The following RALYL variants were observed in gnomAD, a reference collection of about 807,000 sequenced individuals.
RALYL encodes RALY RNA binding protein like, also known as RNA-binding Raly-like protein.
In RALYL, 29 loss-of-function variants were observed where a neutral mutation model predicts 35.1. The ratio of observed to expected loss-of-function variants is 0.83; its 90% CI spans 0.61 to 1.13. The LOEUF (loss-of-function observed/expected upper bound fraction) is 1.13, where lower values mean the gene tolerates loss of function less well. RALYL is among the 50% of genes most tolerant of loss of function. RALYL has a pLI of 0.00. For missense variants in RALYL, 359 were observed against 360.4 expected (o/e 1.00, Z 0.03); for synonymous variants, 120 against 127.6 (o/e 0.94, Z 0.40).
rs1860939401 is a variant in RALYL, at chr8:84,392,568, G to A, written c.-23-136731G>A. Reference sequence around the variant, plus strand: ...TATGTGGAATTTTAGAAAGTATTAAGCTATAGTGAGAGAAAGCTGATCAGC... The same window carrying A: ...TATGTGGAATTTTAGAAAGTATTAAACTATAGTGAGAGAAAGCTGATCAGC... On this transcript the variant is annotated intron_variant, in intron 1 of 8. Transcript: ENST00000521268. Among the ~76,000 whole-genome samples the A allele has an allele frequency of 3.3e-5, 5 of 152,122 alleles. No homozygotes were observed. The South Asian group carries it at 1.0e-3, about 32-fold the overall frequency.
intron 1 of RALYL, among the ~76,000 whole-genome samples, chr8:84,517,134 A>G (rs1343213787): frequency 6.6e-6 from 1 of 152,210 alleles, no homozygotes; most frequent in African/African-American, 2.4e-5. Context: ...TGCATAAAAT[A>G]TACACTCCAG....
At chr8:84,774,486 A>G in intron 2 of RALYL, 93 bp from the exon 3 acceptor site, 1 of 823,776 alleles carries the variant, frequency 1.2e-6, no homozygotes. Flanking sequence ...TTGCATAAAC[A>G]AATAGTAAAA....
chr8:84,307,485 GA>G (rs536401065), intron 1 of RALYL, among the ~76,000 whole-genome samples: 1 of 151,374 alleles, frequency 6.6e-6, no homozygotes, highest in Non-Finnish European at 1.5e-5. Context: ...GCCAAATGAA[GA>G]AAAAAAAGCA....
chr8:84,396,231 A>G (rs13253716), intron 1 of RALYL, among the ~76,000 whole-genome samples: 93,708 of 151,674 alleles, frequency 0.62, 29,522 homozygotes, highest in African/African-American at 0.74. Context: ...TCTATGGTCT[A>G]TTTTTATTTG....
chr8:84,428,100 T>TCACA (rs1307984367), intron 1 of RALYL, among the ~76,000 whole-genome samples: 49 of 134,864 alleles, frequency 3.6e-4, no homozygotes, highest in African/African-American at 1.3e-3. Context: ...TCTCTCTCTC[T>TCACA]CTCTCTCACA....
chr8:84,267,794 T>C lies in RALYL; in HGVS notation c.-24+83370T>C, dbSNP rs556051539. ...TTGATTGGTCTAAAATAGTTTAAAG[T>C]TTGGGCACAAGAATTGAGAGGTGTT... is the stretch of plus-strand genomic sequence containing the variant. On this transcript the variant is annotated intron_variant, in intron 1 of 8. Coordinates refer to ENST00000521268, the MANE Select transcript of RALYL (RefSeq NM_173848.7). Among the ~76,000 whole-genome samples the C allele has an allele frequency of 2.6e-5, 4 of 152,282 alleles. No individual in the cohort carries two copies. The South Asian group carries it at 8.3e-4, about 32-fold the overall frequency.
intron 1 of RALYL, among the ~76,000 whole-genome samples, chr8:84,246,893 C>T (rs1180011677): frequency 2.6e-5 from 4 of 152,108 alleles, no homozygotes; most frequent in Non-Finnish European, 5.9e-5. Context: ...TTCTAATTGC[C>T]ATCAAATGTC....
intron 2 of RALYL, among the ~76,000 whole-genome samples, chr8:84,598,373 G>T (rs1381587613): frequency 6.6e-6 from 1 of 152,032 alleles, no homozygotes; most frequent in Non-Finnish European, 1.5e-5. Context: ...CATTTCTGTA[G>T]AAGGAGTATT....
intron 1 of RALYL, among the ~76,000 whole-genome samples, chr8:84,203,386 G>A (rs1224891822): frequency 6.6e-6 from 1 of 151,564 alleles, no homozygotes; most frequent in Non-Finnish European, 1.5e-5. Flanking sequence ...TAATCTTAAT[G>A]GAACTTTTCA....
intron 5 of RALYL, among the ~76,000 whole-genome samples, chr8:84,859,989 A>G (rs1837803151): frequency 6.6e-6 from 1 of 152,226 alleles, no homozygotes. Flanking sequence ...ACTAAAATGT[A>G]TGCCCCATAC....
intron 2 of RALYL, among the ~76,000 whole-genome samples, chr8:84,596,846 C>T (rs976883922): frequency 6.6e-6 from 1 of 151,940 alleles, no homozygotes; most frequent in African/African-American, 2.4e-5. Context: ...AACTTCTTTC[C>T]TTCTATCCTG....
intron 8 of RALYL, 77 bp downstream of exon 8, chr8:84,887,853 A>G: frequency 7.6e-7 from 1 of 1,322,108 alleles, no homozygotes; most frequent in Non-Finnish European, 1.1e-6. Context: ...ATTCTAAAAT[A>G]AGGATTAAAT....
At chr8:84,519,466 G>C (rs1465970598) in intron 1 of RALYL, among the ~76,000 whole-genome samples, 11 of 152,102 alleles carry the variant, frequency 7.2e-5, no homozygotes. Flanking sequence ...GTAGTGATTG[G>C]TGTCTTCTCT....
intron 1 of RALYL, among the ~76,000 whole-genome samples, chr8:84,329,425 C>T (rs1263037146): frequency 1.3e-5 from 2 of 151,980 alleles, no homozygotes; most frequent in African/African-American, 2.4e-5. Flanking sequence ...TCTGTTCATG[C>T]TCTTTGCCCA....
intron 1 of RALYL, among the ~76,000 whole-genome samples, chr8:84,429,075 A>C (rs997082626): frequency 1.3e-5 from 2 of 152,162 alleles, no homozygotes; most frequent in Admixed American, 1.3e-4. Flanking sequence ...AAAGGGAAAC[A>C]AAACCAAAAC....
rs187742990 is a variant in RALYL, at chr8:84,551,474, G to A, written c.256+21897G>A. Among the ~76,000 whole-genome samples the A allele has an allele frequency of 1.3e-3, 201 of 152,170 alleles. 1 individual carries two copies. Among genetic ancestry groups the A allele is most frequent in the Non-Finnish European group, 2.5e-4 (17 of 67,960 alleles). On this transcript the variant is annotated intron_variant, in intron 2 of 8. Transcript: ENST00000521268. ...GATGGTATAAATAAGAGAGGAAGTT[G>A]AAATGGAGTTAATTAGATCAGGCTT...
chr8:84,641,693 CTAAG>C (rs1826358381), intron 2 of RALYL, among the ~76,000 whole-genome samples: 2 of 149,782 alleles, frequency 1.3e-5, no homozygotes, highest in African/African-American at 4.9e-5. Context: ...AGGTGAACAC[CTAAG>C]TAAGAAACTT....
chr8:84,569,085 C>G (rs1376379636), intron 2 of RALYL, among the ~76,000 whole-genome samples: 1 of 151,396 alleles, frequency 6.6e-6, no homozygotes. Context: ...TCTTTTGTTG[C>G]CATTGCTTTT....
intron 1 of RALYL, among the ~76,000 whole-genome samples, chr8:84,425,270 C>A (rs6981502): frequency 6.6e-6 from 1 of 152,026 alleles, no homozygotes; most frequent in Non-Finnish European, 1.5e-5. Context: ...TTTTTTAAGC[C>A]GGTCTGAAAA....
Sources: allele counts gnomAD v4.1 joint callset (sites outside exome capture counted in the v4.1 genomes callset), GRCh38; gene constraint gnomAD v4.1.1; transcripts MANE v1.5; gene names NCBI Gene and HGNC (gene_info 2026-07-23, HGNC 2026-07-21).